Variants in POLDIP3 observed in about 807,000 individuals in gnomAD.
POLDIP3 encodes the protein polymerase delta-interacting protein 3.
In POLDIP3, 14 loss-of-function variants were observed where a neutral mutation model predicts 45.1. The ratio of observed to expected loss-of-function variants is 0.31; its 90% confidence interval spans 0.20 to 0.49. The LOEUF (loss-of-function observed/expected upper bound fraction) is 0.49, where lower values mean the gene tolerates loss of function less well. Among genes scored for constraint, POLDIP3 ranks in the 20% least tolerant of loss-of-function variants. The probability of loss-of-function intolerance (pLI) is 0.99; values close to 1 mark genes in which losing one functional copy is unlikely to be tolerated. For synonymous variants in POLDIP3, 223 were observed against 205.2 expected (o/e 1.09, Z -0.74); for missense variants, 511 against 538.8 (o/e 0.95, Z 0.51).
chr22:42,599,378 C>T (rs1044066819), intron 4 of POLDIP3, among the ~76,000 whole-genome samples: 2 of 152,190 alleles, frequency 1.3e-5, no homozygotes, highest in African/African-American at 4.8e-5. Context: ...CCGAGGCGTG[C>T]GGATCACCTG....
chr22:42,614,688 CGGG>C, intron 1 of POLDIP3, 108 bp downstream of exon 1: 2 of 1,230,302 alleles, frequency 1.6e-6, no homozygotes, highest in Non-Finnish European at 2.4e-6. Flanking sequence ...CGGCTGTGGT[CGGG>C]GGCGGGCGCA....
chr22:42,602,659 T>C lies in POLDIP3; in HGVS notation c.450+111A>G. Reference sequence around the variant, plus strand: ...TCTGTAAGGAGCAAAGTCTGTATTATGCCAACACTTGAGAGGATAGTATTT... The same window carrying C: ...TCTGTAAGGAGCAAAGTCTGTATTACGCCAACACTTGAGAGGATAGTATTT... On this transcript the variant is annotated intron_variant, in intron 2 of 8. Transcript: ENST00000252115. 3 of 1,265,130 alleles carry C rather than the reference T, an allele frequency of 2.4e-6. No individual in the cohort carries two copies. In the East Asian group the frequency reaches 7.0e-5, roughly 29 times the overall value. The allele number at this position is 1,265,130 out of a possible 1,614,324, so 78.4% of individuals were successfully genotyped here. A position where few individuals can be genotyped will look rare whatever the true frequency, so the allele number is the denominator to read the frequency against.
rs753627812 is a variant in POLDIP3 at position 42,614,846 on chromosome 22, G to A, written c.12C>T (p.Ile4=). ...GCTTCCTGATGAGTTCGTCCAGGGA[G>A]ATGTCCGCCATCTTGCTCCGCCGAG... MAD[I]SLDELIRKRG... The change falls in exon 1 of 9, where the codon ATC becomes ATT. Residue 4 remains isoleucine (I), a synonymous_variant. Transcript: ENST00000252115. 1.9e-6 allele frequency: 3 copies of A among 1,614,042 alleles called. No individual in the cohort carries two copies. The highest frequency in any genetic ancestry group is 1.7e-5 in the Admixed American group (1 of 60,032).
rs547992725 is a variant in POLDIP3 at position 42,606,970 on chromosome 22, A to G, written c.60-3810T>C. Among the ~76,000 whole-genome samples the G allele has an allele frequency of 3.7e-4, 57 of 152,290 alleles. 1 individual carries two copies. In the South Asian group the frequency reaches 0.012, roughly 32 times the overall value. On this transcript the variant is annotated intron_variant, in intron 1 of 8. Coordinates refer to ENST00000252115, the MANE Select transcript of POLDIP3 (RefSeq NM_032311.5). The stretch of plus-strand genomic sequence containing the variant: ...TGGAAGAGTTAAGAAAAAAACTTCT[A>G]AAAAATAAAAAACACCAGGAGCAGT...
intron 1 of POLDIP3, among the ~76,000 whole-genome samples, chr22:42,609,580 T>C (rs1042982214): frequency 2.6e-5 from 4 of 151,994 alleles, no homozygotes; most frequent in Non-Finnish European, 5.9e-5. Flanking sequence ...TTCAGGCCCA[T>C]GAAGTGGGGC....
rs144340960 is a variant in POLDIP3 at position 42,606,242 on chromosome 22, C to T, written c.60-3082G>A. Among the ~76,000 whole-genome samples, 264 of 151,018 alleles carry T rather than the reference C, an allele frequency of 1.7e-3. 4 individuals carry two copies. Among genetic ancestry groups the T allele is most frequent in the African/African-American group, 6.3e-3 (259 of 41,068 alleles). ...TTTTTTTTTTTTTTAAGAAACAAGG[C>T]TGGGCACAGTGGCTCATGCCTGTAA... is the stretch of plus-strand genomic sequence containing the variant. On this transcript the variant is annotated intron_variant, in intron 1 of 8. Transcript: ENST00000252115.
rs910744580 is a variant in POLDIP3 at position 42,614,776 on chromosome 22, C to T, written c.59+23G>A. 1.9e-6 allele frequency: 3 copies of T among 1,613,714 alleles called. No homozygotes were observed. The East Asian group carries it at 6.7e-5, about 36-fold the overall frequency. ...CCACTAGGCCGAGGACCCTAAACCCCGAAGAAAGGAAAGGCCTCTCACCGT... is the reference window on the plus strand; with the variant it reads ...CCACTAGGCCGAGGACCCTAAACCCTGAAGAAAGGAAAGGCCTCTCACCGT... On this transcript the variant is annotated intron_variant, in intron 1 of 8. Coordinates refer to ENST00000252115, the MANE Select transcript of POLDIP3 (RefSeq NM_032311.5).
At position 42,598,425 on chromosome 22, in the gene POLDIP3, G is replaced by A. The variant is rs544684860; in HGVS notation, c.633+1273C>T. ...ACCACCACGCCTGGCTAATTTTTTG[G>A]TATTTTTAGTAGAGACGGGGTTTCA... On this transcript the variant is annotated intron_variant, in intron 4 of 8. Transcript: ENST00000252115. 2.9e-4 allele frequency among the ~76,000 whole-genome samples: 36 copies of A among 122,538 alleles called. No individual in the cohort carries two copies. The South Asian group carries it at 0.012, about 40-fold the overall frequency. 80.4% of individuals were successfully genotyped at this position (122,538 alleles called of 152,430 possible).
rs928554826 is a variant in POLDIP3 at position 42,603,023 on chromosome 22, C to T, written c.197G>A (p.Arg66Gln). The T allele has an allele frequency of 5.0e-6, 8 of 1,614,012 alleles. No homozygotes were observed. The highest frequency in any genetic ancestry group is 4.5e-5 in the East Asian group (2 of 44,894). Residue 66 changes from arginine to glutamine, a missense_variant, in exon 2 of 9, where the codon CGG becomes CAG. Arg to Gln is a conservative substitution (Grantham distance 43). Around this residue, in one of 4 missense-constraint regions of POLDIP3, gnomAD observed 378 missense variants for 352.3 expected, o/e 1.07. Transcript: ENST00000252115. ...GGCATCCTTGACTCCCAGTTTGAGC[C>T]GGGCATCTGAGAGGCCAATCTTCTG... is the stretch of plus-strand genomic sequence containing the variant. ...ARQKIGLSDARLKLGVKDARE... is the reference protein window; with the variant it reads ...ARQKIGLSDAQLKLGVKDARE...
chr22:42,591,812 G>C, intron 7 of POLDIP3, 143 bp downstream of exon 7: 4 of 1,109,778 alleles, frequency 3.6e-6, no homozygotes, highest in Non-Finnish European at 5.3e-6. Flanking sequence ...ACTACTCAGA[G>C]ACTGCACGGC....
chr22:42,607,887 G>T lies in POLDIP3; in HGVS notation c.60-4727C>A, dbSNP rs536380956. On this transcript the variant is annotated intron_variant, in intron 1 of 8. Coordinates refer to ENST00000252115, the MANE Select transcript of POLDIP3 (RefSeq NM_032311.5). ...CTCCGCCCAGCAGCCGCCCCGTCTG[G>T]GAAGTGAGGAGCGTCTCCGCCCGGC... 1.2e-4 allele frequency among the ~76,000 whole-genome samples: 18 copies of T among 151,670 alleles called. No individual in the cohort carries two copies. The South Asian group carries it at 3.6e-3, about 30-fold the overall frequency.
At chr22:42,593,190 G>A (rs1377828958) in intron 6 of POLDIP3, among the ~76,000 whole-genome samples, 2 of 152,026 alleles carry the variant, frequency 1.3e-5, no homozygotes, top group Admixed American at 1.3e-4. Flanking sequence ...TCTAAAATTT[G>A]TATTATTTCT....
chr22:42,597,452 T>C (rs537406494), intron 4 of POLDIP3, among the ~76,000 whole-genome samples: 85 of 152,230 alleles, frequency 5.6e-4, no homozygotes, highest in African/African-American at 2.0e-3. Flanking sequence ...GCACAGTGAC[T>C]CCACACAGGG....
At chr22:42,607,895 G>C (rs1286011073) in intron 1 of POLDIP3, among the ~76,000 whole-genome samples, 2 of 151,892 alleles carry the variant, frequency 1.3e-5, no homozygotes, top group African/African-American at 4.8e-5. Context: ...TGGGAAGTGA[G>C]GAGCGTCTCC....
At chr22:42,602,586 TA>T (rs1398774146) in intron 2 of POLDIP3, among the ~76,000 whole-genome samples, 183 bp downstream of exon 2, 3 of 152,124 alleles carry the variant, frequency 2.0e-5, no homozygotes, top group Non-Finnish European at 4.4e-5. Flanking sequence ...ACTGAGATAA[TA>T]CCTTTCCTTC....
Position 42,584,967 on chromosome 22 carries a change from A to G in POLDIP3, c.*824T>C, listed in dbSNP as rs927143248. The G allele has an allele frequency of 4.4e-6, 2 of 456,344 alleles. No individual in the cohort carries two copies. Among genetic ancestry groups the G allele is most frequent in the Admixed American group, 4.7e-5 (2 of 42,584 alleles). The allele number at this position is 456,344 out of a possible 1,614,324, so 28.3% of individuals were successfully genotyped here. A position where few individuals can be genotyped will look rare whatever the true frequency, so the allele number is the denominator to read the frequency against. The stretch of plus-strand genomic sequence containing the variant: ...CAACCAGAAGAGAGCTGGCGGCTAC[A>G]CAAAACCAGGGTGTGGTTAAGTGCC... On this transcript the variant is annotated 3_prime_UTR_variant, in exon 9 of 9. Transcript: ENST00000252115.
rs201847228 is a variant in POLDIP3, at chr22:42,596,381, GA to G, written c.634-17del. 1,019 of 1,610,418 alleles carry G rather than the reference GA, an allele frequency of 6.3e-4. 7 individuals carry two copies. The African/African-American group carries it at 0.011, about 18-fold the overall frequency. On this transcript the variant is annotated splice_polypyrimidine_tract_variant and intron_variant, in intron 4 of 8. Coordinates refer to ENST00000252115, the MANE Select transcript of POLDIP3 (RefSeq NM_032311.5). ...TTAGCCCAGCCTAAACGAAGAGACA[GA>G]AAAGAATCTGAGAAGCCAGACCTGC...
At chr22:42,605,349 G>C (rs922678231) in intron 1 of POLDIP3, among the ~76,000 whole-genome samples, 9 of 152,336 alleles carry the variant, frequency 5.9e-5, no homozygotes, top group Middle Eastern at 3.4e-3. Context: ...GGATGCTGTC[G>C]ATCTCCTGAC....
At chr22:42,601,924 T>A in intron 3 of POLDIP3, 46 bp downstream of exon 3, 1 of 1,597,382 alleles carries the variant, frequency 6.3e-7, no homozygotes, top group Non-Finnish European at 8.6e-7. Context: ...ACATGTTCGC[T>A]ATGTACACAC....
Sources: gnomAD v4.1 joint callset for allele counts (sites outside exome capture counted in the v4.1 genomes callset) on GRCh38, gnomAD v4.1.1 for gene constraint, gnomAD v4.1.1 regional missense constraint, MANE v1.5 for transcripts, NCBI Gene and HGNC (gene_info 2026-07-23, HGNC 2026-07-21) for gene names.